NIM1K: variants seen among roughly 807,000 people sequenced by gnomAD.
NIM1K encodes the protein NIM1 serine/threonine protein kinase, also known as serine/threonine-protein kinase NIM1.
A neutral mutation model predicts 37.1 loss-of-function variants in NIM1K; 35 were observed. The ratio of observed to expected loss-of-function variants is 0.94; its 90% confidence interval spans 0.72 to 1.25. The LOEUF (loss-of-function observed/expected upper bound fraction) is 1.25, where lower values mean the gene tolerates loss of function less well. NIM1K is among the 50% of genes most tolerant of loss of function. NIM1K has a pLI of 0.00. For missense variants in NIM1K, 564 were observed against 548.0 expected (o/e 1.03, Z -0.29); for synonymous variants, 234 against 206.6 (o/e 1.13, Z -1.14).
chr5:43,238,509 G>A (rs999243017), intron 1 of NIM1K, among the ~76,000 whole-genome samples: 1 of 151,718 alleles, frequency 6.6e-6, no homozygotes, highest in Non-Finnish European at 1.5e-5. Flanking sequence ...TTTTGTTGTA[G>A]AGATTGTTTT....
intron 1 of NIM1K, among the ~76,000 whole-genome samples, chr5:43,236,926 C>T (rs1440514711): frequency 2.6e-5 from 4 of 152,216 alleles, no homozygotes; most frequent in African/African-American, 9.7e-5. Flanking sequence ...CATTGCACTG[C>T]ATGGGGATCT....
intron 2 of NIM1K, among the ~76,000 whole-genome samples, chr5:43,271,547 G>T (rs1218888110): frequency 6.6e-6 from 1 of 152,128 alleles, no homozygotes; most frequent in African/African-American, 2.4e-5. Flanking sequence ...ACATGCAGTT[G>T]TAAGAATATG....
In NIM1K at chr5:43,276,979, G is replaced by A. The variant is rs1321779766; in HGVS notation, c.293-78G>A. On this transcript the variant is annotated intron_variant, in intron 2 of 3. Coordinates refer to ENST00000326035, the MANE Select transcript of NIM1K (RefSeq NM_153361.4). Reference sequence around the variant, plus strand: ...GCCACTCTCTGTCTAGTAAAGGAAAGGAGCTGATCCAGGTCCTCTCCAGTT... The same window carrying A: ...GCCACTCTCTGTCTAGTAAAGGAAAAGAGCTGATCCAGGTCCTCTCCAGTT... The A allele has an allele frequency of 2.2e-5, 32 of 1,423,084 alleles. No individual in the cohort carries two copies. The East Asian group carries it at 7.3e-4, about 32-fold the overall frequency. 88.2% of individuals were successfully genotyped at this position (1,423,084 alleles called of 1,614,324 possible).
At chr5:43,193,018 C>A (rs1220848420) in intron 1 of NIM1K, 1 of 152,254 alleles carries the variant, frequency 6.6e-6, no homozygotes, top group Non-Finnish European at 1.5e-5. Context: ...CCGCGACTCT[C>A]CCCAGCGAAA....
intron 2 of NIM1K, among the ~76,000 whole-genome samples, chr5:43,264,192 C>T (rs1012703440): frequency 5.9e-5 from 9 of 152,162 alleles, no homozygotes; most frequent in Admixed American, 5.9e-4. Flanking sequence ...CTTTCTGTCT[C>T]ATTGATCTGT....
intron 1 of NIM1K, chr5:43,207,251 TAC>T: frequency 1.3e-6 from 1 of 758,550 alleles, no homozygotes; most frequent in Admixed American, 1.7e-5. Flanking sequence ...TGGCAAAGAT[TAC>T]ACTGGCAAAG....
At chr5:43,269,391 C>A (rs1561093875) in intron 2 of NIM1K, among the ~76,000 whole-genome samples, 1 of 151,758 alleles carries the variant, frequency 6.6e-6, no homozygotes, top group Non-Finnish European at 1.5e-5. Context: ...TTTCCCACCC[C>A]TTTACCTTGT....
At chr5:43,271,968 G>C (rs188548848) in intron 2 of NIM1K, among the ~76,000 whole-genome samples, 7 of 152,016 alleles carry the variant, frequency 4.6e-5, no homozygotes, top group African/African-American at 7.2e-5. Context: ...CATACTTCTC[G>C]GGCAATTCAT....
At position 43,211,885 on chromosome 5, in the gene NIM1K, G is replaced by T. The variant is rs1364291808; in HGVS notation, c.-695+19474G>T. On this transcript the variant is annotated intron_variant, in intron 1 of 3. Transcript: ENST00000326035. ...ATTAAGATGGGAAGTAGGGAAGCCTGCTAGAAGGTTCTTAAAGCCACCTAG... is the reference window on the plus strand; with the variant it reads ...ATTAAGATGGGAAGTAGGGAAGCCTTCTAGAAGGTTCTTAAAGCCACCTAG... Among the ~76,000 whole-genome samples the T allele has an allele frequency of 2.0e-5, 3 of 152,250 alleles. No individual in the cohort carries two copies. In the East Asian group the frequency reaches 5.8e-4, roughly 29 times the overall value.
At chr5:43,249,545 C>T (rs886294195) in intron 2 of NIM1K, among the ~76,000 whole-genome samples, 7 of 152,132 alleles carry the variant, frequency 4.6e-5, no homozygotes, top group Non-Finnish European at 7.4e-5. Flanking sequence ...GAAGGATGGA[C>T]GAAGGCAATG....
chr5:43,205,955 G>A (rs562106233), intron 1 of NIM1K, among the ~76,000 whole-genome samples: 3 of 151,970 alleles, frequency 2.0e-5, no homozygotes, highest in East Asian at 3.9e-4. Context: ...CTTGTGATCC[G>A]CCCGCCTCGA....
rs1406225387 is a variant in NIM1K at position 43,280,377 on chromosome 5, T to C, written c.959T>C (p.Met320Thr). 2.5e-6 allele frequency: 4 copies of C among 1,614,038 alleles called. No homozygotes were observed. Among genetic ancestry groups the C allele is most frequent in the East Asian group, 4.5e-5 (2 of 44,882 alleles). The change falls in exon 4 of 4, where the codon ATG (methionine) becomes ACG (threonine). Residue 320 changes from methionine (M) to threonine (T), a missense_variant. By Grantham distance (81) the Met-to-Thr change is moderately conservative. Coordinates refer to ENST00000326035, the MANE Select transcript of NIM1K (RefSeq NM_153361.4). The stretch of plus-strand genomic sequence containing the variant: ...GAGAGGTACGGAATCGACTGCATCA[T>C]GAATGATGAATGGATGCAAGGGGTG... ...PTERYGIDCI[M>T]NDEWMQGVPY...
intron 2 of NIM1K, among the ~76,000 whole-genome samples, chr5:43,257,378 T>G (rs1022980249): frequency 5.5e-5 from 8 of 144,910 alleles, no homozygotes; most frequent in Admixed American, 4.8e-4. Context: ...TTTTTTTTTT[T>G]TTTTTTTGAG....
At chr5:43,264,845 C>T (rs1753097874) in intron 2 of NIM1K, among the ~76,000 whole-genome samples, 1 of 152,094 alleles carries the variant, frequency 6.6e-6, no homozygotes, top group African/African-American at 2.4e-5. Flanking sequence ...CATTTTTTGT[C>T]TGTAAAGGAT....
intron 2 of NIM1K, among the ~76,000 whole-genome samples, chr5:43,256,968 G>A (rs887353643): frequency 3.3e-5 from 5 of 152,070 alleles, no homozygotes; most frequent in Admixed American, 1.3e-4. Flanking sequence ...GGCTCTGTCC[G>A]AACCCAAACT....
At chr5:43,253,983 A>G (rs976559246) in intron 2 of NIM1K, among the ~76,000 whole-genome samples, 1 of 152,208 alleles carries the variant, frequency 6.6e-6, no homozygotes, top group African/African-American at 2.4e-5. Context: ...TAAGCAAGCC[A>G]TTAATGCAAG....
chr5:43,234,182 G>A lies in NIM1K; in HGVS notation c.-694-10900G>A, dbSNP rs117358326. 2.4e-3 allele frequency among the ~76,000 whole-genome samples: 367 copies of A among 152,234 alleles called. 8 individuals are homozygous for A. The East Asian group carries it at 0.063, about 26-fold the overall frequency. ...GGCCTTAGTTTTGGTTTTGGTTTTT[G>A]TATCTGTGAAAAGGGAATGACAATA... On this transcript the variant is annotated intron_variant, in intron 1 of 3. Transcript: ENST00000326035.
chr5:43,229,909 G>C (rs1270293579), intron 1 of NIM1K, among the ~76,000 whole-genome samples: 1 of 151,812 alleles, frequency 6.6e-6, no homozygotes, highest in Non-Finnish European at 1.5e-5. Context: ...TGGGATTACA[G>C]GTGTGAGCCA....
rs560095630 is a variant in NIM1K at position 43,231,090 on chromosome 5, G to A, written c.-694-13992G>A. ...CCCAGGATTTTGAGAGGCTGAGGCT[G>A]GGGGATCACTTGAGCTCAGGAGTTC... On this transcript the variant is annotated intron_variant, in intron 1 of 3. Coordinates refer to ENST00000326035, the MANE Select transcript of NIM1K (RefSeq NM_153361.4). Among the ~76,000 whole-genome samples, 45 of 152,320 alleles carry A rather than the reference G, an allele frequency of 3.0e-4. 1 individual carries two copies. Among genetic ancestry groups the A allele is most frequent in the African/African-American group, 9.9e-4 (41 of 41,556 alleles).
Sources: gnomAD v4.1 joint callset for allele counts (sites outside exome capture counted in the v4.1 genomes callset) on GRCh38, gnomAD v4.1.1 for gene constraint, MANE v1.5 for transcripts, NCBI Gene and HGNC (gene_info 2026-07-23, HGNC 2026-07-21) for gene names.